Variants in HS3ST1 observed in about 807,000 individuals in gnomAD.
The protein encoded by HS3ST1 is heparan sulfate glucosamine 3-O-sulfotransferase 1.
HS3ST1 carries 8 observed loss-of-function variants against 20.7 expected under a neutral mutation model. The observed-to-expected ratio is 0.39, with a 90% confidence interval of 0.23 to 0.70. The LOEUF is 0.70. Ranked by LOEUF, HS3ST1 falls within the 30% of genes least tolerant of loss-of-function variation. HS3ST1 has a pLI of 0.46. For missense variants in HS3ST1, 436 were observed against 423.4 expected, an observed-to-expected ratio of 1.03 and a Z score of -0.26; for synonymous variants, 205 against 190.4, an observed-to-expected ratio of 1.08 and a Z score of -0.63.
chr4:11,400,167 A>G, intron 1 of HS3ST1, 54 bp from the exon 2 acceptor site: 1 of 1,371,468 alleles, frequency 7.3e-7, no homozygotes. Flanking sequence ...GGATAATTCA[A>G]CTAACAACTC....
chr4:11,420,443 A>G (rs979891048), intron 1 of HS3ST1, among the ~76,000 whole-genome samples: 1 of 152,192 alleles, frequency 6.6e-6, no homozygotes, highest in African/African-American at 2.4e-5. Context: ...TGCAGGAGCA[A>G]TTTCAGGTGT....
chr4:11,422,219 G>A (rs1718957751), intron 1 of HS3ST1, among the ~76,000 whole-genome samples: 1 of 152,184 alleles, frequency 6.6e-6, no homozygotes, highest in South Asian at 2.1e-4. Context: ...TTCTTTGGCT[G>A]TTCTCACCAC....
chr4:11,415,033 A>G (rs554966331), intron 1 of HS3ST1, among the ~76,000 whole-genome samples: 30 of 152,352 alleles, frequency 2.0e-4, no homozygotes, highest in Admixed American at 1.7e-3. Flanking sequence ...ATCCAATGAG[A>G]TGAAAGAAAC....
chr4:11,398,606 TG>T lies in HS3ST1; in HGVS notation c.*475del, dbSNP rs1417843716. The T allele has an allele frequency of 1.3e-5, 2 of 152,162 alleles. No individual in the cohort carries two copies. Among genetic ancestry groups the T allele is most frequent in the African/African-American group, 4.8e-5 (2 of 41,372 alleles). The allele number at this position is 152,162 out of a possible 1,614,324, so 9.4% of individuals were successfully genotyped here. A position where few individuals can be genotyped will look rare whatever the true frequency, so the allele number is the denominator to read the frequency against. ...ACAATCCAAGTAAAAATAAATCTGA[TG>T]ATCACAATGAGACATTAAAAATTAA... On this transcript the variant is annotated 3_prime_UTR_variant, in exon 2 of 2. Transcript: ENST00000002596.
chr4:11,408,412 A>T (rs1003788956), intron 1 of HS3ST1, among the ~76,000 whole-genome samples: 6 of 152,204 alleles, frequency 3.9e-5, no homozygotes, highest in Non-Finnish European at 8.8e-5. Context: ...TTTGTTCATG[A>T]TGCAAAGTAC....
intron 1 of HS3ST1, among the ~76,000 whole-genome samples, chr4:11,407,705 T>C (rs1718507788): frequency 6.6e-6 from 1 of 152,228 alleles, no homozygotes; most frequent in African/African-American, 2.4e-5. Flanking sequence ...TGGGAGGGAC[T>C]TGTGGCTGCA....
chr4:11,401,785 CTT>C (rs1253923921), intron 1 of HS3ST1, among the ~76,000 whole-genome samples: 2 of 152,238 alleles, frequency 1.3e-5, no homozygotes, highest in African/African-American at 2.4e-5. Flanking sequence ...AACTTCTCCT[CTT>C]TACCTATTTA....
chr4:11,420,598 G>A (rs188897318), intron 1 of HS3ST1, among the ~76,000 whole-genome samples: 3 of 152,280 alleles, frequency 2.0e-5, no homozygotes, highest in East Asian at 3.9e-4. Context: ...CGAACACTAC[G>A]CTGGTGGCCT....
At chr4:11,416,551 C>T (rs756081483) in intron 1 of HS3ST1, among the ~76,000 whole-genome samples, 2 of 152,186 alleles carry the variant, frequency 1.3e-5, no homozygotes, top group Non-Finnish European at 2.9e-5. Context: ...ACATCTCTGT[C>T]CCTCCTCCCT....
intron 1 of HS3ST1, among the ~76,000 whole-genome samples, chr4:11,420,294 G>A (rs1357951925): frequency 1.3e-5 from 2 of 152,240 alleles, no homozygotes; most frequent in Non-Finnish European, 2.9e-5. Context: ...AAATGGAAAT[G>A]CAACATTTTC....
chr4:11,415,245 C>A (rs1471283624), intron 1 of HS3ST1, among the ~76,000 whole-genome samples: 1 of 152,150 alleles, frequency 6.6e-6, no homozygotes, highest in Non-Finnish European at 1.5e-5. Flanking sequence ...AAGATCAAAG[C>A]AATCATGTTT....
chr4:11,429,472 T>C (rs1204430723), upstream of HS3ST1: 2 of 152,228 alleles, frequency 1.3e-5, no homozygotes, highest in African/African-American at 4.8e-5. Flanking sequence ...GGAGGTGCCA[T>C]CCTCTCCAAT....
chr4:11,429,929 A>C (rs1719171711), upstream of HS3ST1, among the ~76,000 whole-genome samples: 1 of 152,142 alleles, frequency 6.6e-6, no homozygotes, highest in Non-Finnish European at 1.5e-5. Flanking sequence ...AAGCAAATGC[A>C]CATCAAAGTA....
chr4:11,409,243 C>A (rs1718550993), intron 1 of HS3ST1, among the ~76,000 whole-genome samples: 9 of 152,090 alleles, frequency 5.9e-5, no homozygotes, highest in Admixed American at 5.9e-4. Flanking sequence ...TTTATACAAA[C>A]CAAAGTAAAT....
At chr4:11,423,491 A>G (rs1015904035) in intron 1 of HS3ST1, among the ~76,000 whole-genome samples, 4 of 152,080 alleles carry the variant, frequency 2.6e-5, no homozygotes, top group Admixed American at 6.6e-5. Flanking sequence ...ACTTTCCTCT[A>G]GTTTTTATTT....
intron 1 of HS3ST1, among the ~76,000 whole-genome samples, chr4:11,415,828 C>A (rs1193470906): frequency 6.6e-6 from 1 of 152,148 alleles, no homozygotes; most frequent in Non-Finnish European, 1.5e-5. Flanking sequence ...AATCTTAAAC[C>A]AAACACATGG....
At chr4:11,407,872 C>T (rs756087149) in intron 1 of HS3ST1, among the ~76,000 whole-genome samples, 2 of 152,174 alleles carry the variant, frequency 1.3e-5, no homozygotes, top group African/African-American at 2.4e-5. Flanking sequence ...ATGTAACCCT[C>T]GATAGTCTTT....
At position 11,399,505 on chromosome 4, in the gene HS3ST1, C is replaced by T; in HGVS notation, c.501G>A (p.Lys167=). 3 of 1,614,066 alleles carry T rather than the reference C, an allele frequency of 1.9e-6. No homozygotes were observed. The highest frequency in any genetic ancestry group is 1.1e-5 in the South Asian group (1 of 91,088). The stretch of plus-strand genomic sequence containing the variant: ...CCTCGATGGACGGGTAGGGCTTGTG[C>T]TTCTGCATGTGGTTGTAGAACACTT... ...YTQVFYNHMQ[K]HKPYPSIEEF... is the part of the protein sequence containing the mutation. The change falls in exon 2 of 2, where the codon AAG becomes AAA. Residue 167 remains lysine, a synonymous_variant. Coordinates refer to ENST00000002596, the MANE Select transcript of HS3ST1 (RefSeq NM_005114.4). The surrounding 1 kb of genome is among the most constrained non-coding windows in gnomAD (Gnocchi z 5.1).
At chr4:11,423,020 T>TAAAA (rs1718976503) in intron 1 of HS3ST1, among the ~76,000 whole-genome samples, 2 of 6,102 alleles carry the variant, frequency 3.3e-4, no homozygotes, top group African/African-American at 1.6e-3. Context: ...CGAGACACCG[T>TAAAA]CAAAAAAAAA....
Sources: allele counts gnomAD v4.1 joint callset (sites outside exome capture counted in the v4.1 genomes callset), GRCh38; gene constraint gnomAD v4.1.1; non-coding constraint Gnocchi (gnomAD v3.1); transcripts MANE v1.5; gene names NCBI Gene and HGNC (gene_info 2026-07-23, HGNC 2026-07-21).